CNIH3: variants seen among roughly 807,000 people sequenced by gnomAD.
The protein encoded by CNIH3 is cornichon family AMPA receptor auxiliary protein 3.
Under a neutral mutation model 24.1 loss-of-function variants are expected in CNIH3, and 14 were observed. The observed-to-expected ratio is 0.58, with a 90% confidence interval of 0.38 to 0.91. The LOEUF (loss-of-function observed/expected upper bound fraction) is 0.91. Ranked by LOEUF, CNIH3 falls within the 40% of genes least tolerant of loss-of-function variation. The probability of loss-of-function intolerance (pLI) is 0.00; values close to 1 mark genes in which losing one functional copy is unlikely to be tolerated. For synonymous variants in CNIH3, 68 were observed against 73.8 expected (o/e 0.92, Z 0.40); for missense variants, 178 against 196.8 (o/e 0.90, Z 0.57).
intron 1 of CNIH3, among the ~76,000 whole-genome samples, chr1:224,666,332 G>A (rs1031813205): frequency 6.6e-6 from 1 of 152,202 alleles, no homozygotes; most frequent in Non-Finnish European, 1.5e-5. Context: ...CTCAGGTCTG[G>A]TAAGGGTTCC....
intron 1 of CNIH3, among the ~76,000 whole-genome samples, chr1:224,627,654 G>T (rs190093973): frequency 7.2e-5 from 11 of 152,350 alleles, no homozygotes; most frequent in Admixed American, 6.5e-4. Context: ...TACACTAGCA[G>T]ACCCGTGGGG....
Position 224,501,888 on chromosome 1 carries a change from G to C in CNIH3, n.204-13853G>C, listed in dbSNP as rs958115811. Among the ~76,000 whole-genome samples, 13 of 150,850 alleles carry C rather than the reference G, an allele frequency of 8.6e-5. 1 individual carries two copies. Among genetic ancestry groups the C allele is most frequent in the Admixed American group, 7.9e-4 (12 of 15,198 alleles). ...GAGCCACTGCTTTATACAGAAATTTGTTTGTGACCAGCTACTTTCCTGGAA... is the reference window on the plus strand; with the variant it reads ...GAGCCACTGCTTTATACAGAAATTTCTTTGTGACCAGCTACTTTCCTGGAA... On this transcript the variant is annotated intron_variant and non_coding_transcript_variant, in intron 1 of 5. Transcript: ENST00000471578.
chr1:224,520,725 A>C (rs187313374), intron 1 of CNIH3, among the ~76,000 whole-genome samples: 1 of 152,314 alleles, frequency 6.6e-6, no homozygotes, highest in African/African-American at 2.4e-5. Flanking sequence ...AGGTGGTTTC[A>C]TCTTAAGGAA....
intron 3 of CNIH3, among the ~76,000 whole-genome samples, chr1:224,709,234 G>A (rs1687995447): frequency 6.6e-6 from 1 of 152,008 alleles, no homozygotes; most frequent in Non-Finnish European, 1.5e-5. Context: ...TCATCTTCTA[G>A]CGGCTCCAAA....
At chr1:224,495,773 T>C (rs1572359033) in intron 1 of CNIH3, among the ~76,000 whole-genome samples, 1 of 152,058 alleles carries the variant, frequency 6.6e-6, no homozygotes, top group East Asian at 1.9e-4. Context: ...CAGCAGTCCA[T>C]GTGCAAACTC....
chr1:224,629,732 A>T (rs1184542927), intron 1 of CNIH3, among the ~76,000 whole-genome samples: 1 of 150,648 alleles, frequency 6.6e-6, no homozygotes, highest in African/African-American at 2.4e-5. Flanking sequence ...ACAGGCAGAA[A>T]CTCTTGGTCC....
rs551049410 is a variant in CNIH3 at position 224,637,037 on chromosome 1, C to T, written c.81+19782C>T. Among the ~76,000 whole-genome samples, 163 of 151,632 alleles carry T rather than the reference C, an allele frequency of 1.1e-3. 3 individuals carry two copies. Among genetic ancestry groups the T allele is most frequent in the African/African-American group, 3.8e-3 (156 of 41,314 alleles). On this transcript the variant is annotated intron_variant, in intron 1 of 5. Coordinates refer to ENST00000272133, the MANE Select transcript of CNIH3 (RefSeq NM_152495.2). ...CGTGATCTTGGCTCACTGCAACCTC[C>T]GCCTCCCGGGTTCAAGCGATTCTCC... is the stretch of plus-strand genomic sequence containing the variant.
intron 1 of CNIH3, among the ~76,000 whole-genome samples, chr1:224,664,468 A>G (rs1235437239): frequency 2.6e-5 from 4 of 152,136 alleles, no homozygotes; most frequent in Non-Finnish European, 5.9e-5. Flanking sequence ...CCTCCATCAA[A>G]TATTTTTGCT....
intron 1 of CNIH3, among the ~76,000 whole-genome samples, chr1:224,463,490 C>T (rs1272857456): frequency 6.6e-6 from 1 of 151,770 alleles, no homozygotes; most frequent in Non-Finnish European, 1.5e-5. Flanking sequence ...CTCACAGCAA[C>T]CTCTGCCTCC....
chr1:224,514,177 C>A (rs1161520887), upstream of CNIH3, among the ~76,000 whole-genome samples: 2 of 152,186 alleles, frequency 1.3e-5, no homozygotes, highest in Non-Finnish European at 2.9e-5. Flanking sequence ...CATCTTAAAT[C>A]AGGGGCCAGA....
chr1:224,725,297 AC>A (rs759777464), intron 3 of CNIH3, among the ~76,000 whole-genome samples: 1 of 152,252 alleles, frequency 6.6e-6, no homozygotes, highest in Non-Finnish European at 1.5e-5. Flanking sequence ...TTTTGAGAGC[AC>A]TGTCATTCAT....
intron 3 of CNIH3, among the ~76,000 whole-genome samples, chr1:224,705,985 C>T (rs991608885): frequency 2.0e-5 from 3 of 151,742 alleles, no homozygotes; most frequent in Non-Finnish European, 2.9e-5. Flanking sequence ...CCCCTAGCAC[C>T]CCAGGCTGAT....
At chr1:224,563,592 T>C (rs1339525394) in intron 3 of CNIH3, among the ~76,000 whole-genome samples, 1 of 151,960 alleles carries the variant, frequency 6.6e-6, no homozygotes, top group Non-Finnish European at 1.5e-5. Context: ...TGAAGAACTT[T>C]AGAGTACTTA....
chr1:224,574,825 G>GC lies in CNIH3; in HGVS notation n.517-8339_517-8338insC. On this transcript the variant is annotated intron_variant and non_coding_transcript_variant, in intron 4 of 5. Transcript: ENST00000471578. ...TTCCCATTGGATGAGCCAGGTAATG[G>GC]TAATGTGGTTCCCAGTAACAGTAAC... is the stretch of plus-strand genomic sequence containing the variant. 7 of 932,376 alleles carry GC rather than the reference G, an allele frequency of 7.5e-6. No individual in the cohort carries two copies. The South Asian group carries it at 7.7e-5, about 10-fold the overall frequency. The allele number at this position is 932,376 out of a possible 1,614,324, so 57.8% of individuals were successfully genotyped here.
chr1:224,454,336 G>A lies in CNIH3; in HGVS notation n.203+19474G>A, dbSNP rs1042802879. ...ACTAATATTTCTTTTGCAAAGCTAG[G>A]AGGCTTGGTAAGGTTAAAAATAATT... is the stretch of plus-strand genomic sequence containing the variant. On this transcript the variant is annotated intron_variant and non_coding_transcript_variant, in intron 1 of 5. Transcript: ENST00000471578. The A allele has an allele frequency of 4.8e-5, 47 of 981,770 alleles. No homozygotes were observed. The African/African-American group carries it at 8.1e-4, about 17-fold the overall frequency. The allele number at this position is 981,770 out of a possible 1,614,324, so 60.8% of individuals were successfully genotyped here.
downstream of CNIH3, among the ~76,000 whole-genome samples, chr1:224,591,164 C>A (rs530406409): frequency 6.6e-6 from 1 of 152,242 alleles, no homozygotes; most frequent in East Asian, 1.9e-4. Flanking sequence ...CACATTGACA[C>A]CCTGCACTGC....
At chr1:224,580,813 AAAAAG>A (rs1161228844) in intron 4 of CNIH3, among the ~76,000 whole-genome samples, 2 of 151,894 alleles carry the variant, frequency 1.3e-5, no homozygotes, top group African/African-American at 2.4e-5. Flanking sequence ...CTCAAAAAAA[AAAAAG>A]AAAAGGAGGG....
At chr1:224,547,372 T>C (rs1321065393) in intron 3 of CNIH3, among the ~76,000 whole-genome samples, 3 of 151,986 alleles carry the variant, frequency 2.0e-5, no homozygotes, top group Admixed American at 1.3e-4. Context: ...TCACAGTGGC[T>C]ATATACCCTG....
intron 4 of CNIH3, among the ~76,000 whole-genome samples, chr1:224,580,758 C>T (rs1342237739): frequency 6.7e-6 from 1 of 148,698 alleles, no homozygotes. Context: ...ACCAGGGAGT[C>T]GGAGGTTGCA....
Sources: gnomAD v4.1 joint callset for allele counts (sites outside exome capture counted in the v4.1 genomes callset) on GRCh38, gnomAD v4.1.1 for gene constraint, MANE v1.5 for transcripts, NCBI Gene and HGNC (gene_info 2026-07-23, HGNC 2026-07-21) for gene names.